KCNIP1: variants seen among roughly 807,000 people sequenced by gnomAD.
KCNIP1 encodes the protein potassium voltage-gated channel interacting protein 1.
KCNIP1 carries 18 observed loss-of-function variants against 33.0 expected under a neutral mutation model. That is an observed-to-expected ratio of 0.55 (90% CI 0.38 to 0.81). The LOEUF (loss-of-function observed/expected upper bound fraction) is 0.81. Among genes scored for constraint, KCNIP1 ranks in the 30% least tolerant of loss-of-function variants. The pLI, the probability that KCNIP1 is intolerant of heterozygous loss-of-function variation, is 0.00. For missense variants in KCNIP1, 238 were observed against 271.6 expected (o/e 0.88, Z 0.87); for synonymous variants, 93 against 98.3 (o/e 0.95, Z 0.32).
Position 170,487,809 on chromosome 5 carries a change from C to T in KCNIP1, c.88+133845C>T, listed in dbSNP as rs149518297. Among the ~76,000 whole-genome samples the T allele has an allele frequency of 4.6e-3, 696 of 152,150 alleles. 4 individuals carry two copies. The highest frequency in any genetic ancestry group is 0.016 in the African/African-American group (658 of 41,452). On this transcript the variant is annotated intron_variant, in intron 1 of 7. Coordinates refer to the KCNIP1 transcript ENST00000377360. ...CTGGGATTACAGGCATGAACCACTGCGCACGGCCCAGTCACAGTACATTTT... is the reference window on the plus strand; with the variant it reads ...CTGGGATTACAGGCATGAACCACTGTGCACGGCCCAGTCACAGTACATTTT...
At chr5:170,576,187 A>G (rs141511866) in intron 1 of KCNIP1, among the ~76,000 whole-genome samples, 82 of 152,304 alleles carry the variant, frequency 5.4e-4, no homozygotes, top group African/African-American at 1.7e-3. Context: ...GTTGAAAGCT[A>G]TAAGCAGGGG....
chr5:170,441,951 C>CAAAAAAAAAA (rs34610945), intron 1 of KCNIP1, among the ~76,000 whole-genome samples: 1 of 72,248 alleles, frequency 1.4e-5, no homozygotes, highest in African/African-American at 6.0e-5. Context: ...GACTCCATCT[C>CAAAAAAAAAA]AAAAAAAAAA....
rs199789184 is a variant in KCNIP1 at position 170,723,008 on chromosome 5, G to A, written c.435+188G>A. Among the ~76,000 whole-genome samples, 23 of 152,122 alleles carry A rather than the reference G, an allele frequency of 1.5e-4. 1 individual carries two copies. Among genetic ancestry groups the A allele is most frequent in the South Asian group, 1.0e-3 (5 of 4,822 alleles). ...GCCCTACCCTGCCCTGTTCCCAAGCGCCCAGAAAGGATTAAACAGATTCAT... is the reference window on the plus strand; with the variant it reads ...GCCCTACCCTGCCCTGTTCCCAAGCACCCAGAAAGGATTAAACAGATTCAT... On this transcript the variant is annotated intron_variant, in intron 5 of 7. Coordinates refer to ENST00000328939, the MANE Select transcript of KCNIP1 (RefSeq NM_014592.4).
intron 1 of KCNIP1, among the ~76,000 whole-genome samples, chr5:170,643,625 A>G (rs1007273389): frequency 6.6e-6 from 1 of 152,138 alleles, no homozygotes; most frequent in Non-Finnish European, 1.5e-5. Flanking sequence ...AAGAAGACAA[A>G]CTATCCACGG....
intron 1 of KCNIP1, among the ~76,000 whole-genome samples, chr5:170,467,993 T>G (rs749112499): frequency 2.2e-4 from 33 of 151,970 alleles, no homozygotes; most frequent in Non-Finnish European, 1.5e-4. Flanking sequence ...ATTAAGATAT[T>G]TGTGCTTTGA....
rs1755422011 is a variant in KCNIP1, at chr5:170,419,451, A to G, written c.88+65487A>G. On this transcript the variant is annotated intron_variant, in intron 1 of 7. Transcript: ENST00000377360. ...ACCCATGGAAGAAGGAAGAAGATAGAACTCTGGATTTGAATATAATTCTAA... is the reference window on the plus strand; with the variant it reads ...ACCCATGGAAGAAGGAAGAAGATAGGACTCTGGATTTGAATATAATTCTAA... 2.0e-5 allele frequency among the ~76,000 whole-genome samples: 3 copies of G among 152,222 alleles called. No homozygotes were observed. In the South Asian group the frequency reaches 6.2e-4, roughly 32 times the overall value.
At chr5:170,722,673 G>T (rs778880456) in intron 4 of KCNIP1, 40 bp from the exon 5 acceptor site, 1 of 1,366,004 alleles carries the variant, frequency 7.3e-7, no homozygotes, top group Admixed American at 1.7e-5. Flanking sequence ...CTGTCTGATG[G>T]CTTGATGGTT....
chr5:170,608,984 C>T (rs773486834), intron 1 of KCNIP1, among the ~76,000 whole-genome samples: 2 of 152,128 alleles, frequency 1.3e-5, no homozygotes, highest in South Asian at 2.1e-4. Flanking sequence ...TGTGCCTCCA[C>T]GTTCCCTTTC....
intron 1 of KCNIP1, among the ~76,000 whole-genome samples, chr5:170,532,432 C>T (rs1479996560): frequency 6.6e-6 from 1 of 152,202 alleles, no homozygotes; most frequent in Non-Finnish European, 1.5e-5. Flanking sequence ...CGACTCCCCT[C>T]ATCTCAGATC....
At chr5:170,646,630 A>C (rs1227434284) in intron 1 of KCNIP1, among the ~76,000 whole-genome samples, 1 of 152,150 alleles carries the variant, frequency 6.6e-6, no homozygotes, top group Non-Finnish European at 1.5e-5. Context: ...CCTCCAGCTA[A>C]CATCATACTT....
chr5:170,727,904 A>G (rs1293933602), intron 5 of KCNIP1, among the ~76,000 whole-genome samples: 1 of 152,168 alleles, frequency 6.6e-6, no homozygotes, highest in Non-Finnish European at 1.5e-5. Flanking sequence ...TCACTGCACC[A>G]CACTCCAGCC....
chr5:170,656,116 G>A (rs994766087), intron 1 of KCNIP1, among the ~76,000 whole-genome samples: 5 of 152,158 alleles, frequency 3.3e-5, no homozygotes, highest in African/African-American at 1.2e-4. Flanking sequence ...CATGGCCAGG[G>A]AGGATGTGAC....
intron 1 of KCNIP1, among the ~76,000 whole-genome samples, chr5:170,553,814 C>T (rs1366452407): frequency 6.6e-6 from 1 of 152,232 alleles, no homozygotes; most frequent in Non-Finnish European, 1.5e-5. Flanking sequence ...GTGCCTGGTA[C>T]AGAGGAAGTC....
At chr5:170,638,251 C>T (rs563752351) in intron 1 of KCNIP1, among the ~76,000 whole-genome samples, 9 of 152,150 alleles carry the variant, frequency 5.9e-5, no homozygotes, top group East Asian at 1.9e-4. Context: ...TCCCTGCCAC[C>T]GCTTGCCAGG....
At chr5:170,408,961 A>C (rs1024183087) in intron 1 of KCNIP1, among the ~76,000 whole-genome samples, 2 of 152,020 alleles carry the variant, frequency 1.3e-5, no homozygotes, top group African/African-American at 4.8e-5. Flanking sequence ...AATAGCACAC[A>C]CTCCCCAGGC....
intron 1 of KCNIP1, among the ~76,000 whole-genome samples, chr5:170,533,822 G>A (rs10072376): frequency 0.16 from 23,860 of 152,104 alleles, 1,953 homozygotes; most frequent in Middle Eastern, 0.24. Flanking sequence ...GTCACATTCC[G>A]TCTCCAAATG....
intron 1 of KCNIP1, among the ~76,000 whole-genome samples, chr5:170,599,633 AGGGGTG>A (rs1233070103): frequency 2.1e-5 from 1 of 47,586 alleles, no homozygotes; most frequent in Non-Finnish European, 3.9e-5. Context: ...TGATGGACCT[AGGGGTG>A]GGGAAGAGCG....
At chr5:170,567,959 T>A (rs11134636) in intron 1 of KCNIP1, among the ~76,000 whole-genome samples, 84,940 of 152,058 alleles carry the variant, frequency 0.56, 23,935 homozygotes, top group East Asian at 0.64. Flanking sequence ...TCAGGATGGC[T>A]CGGGTGTGTG....
chr5:170,542,687 G>A (rs921799496), intron 1 of KCNIP1, among the ~76,000 whole-genome samples: 2 of 151,952 alleles, frequency 1.3e-5, no homozygotes, highest in African/African-American at 4.8e-5. Context: ...CTATGATAAA[G>A]GCTAATTTAT....
Sources: gnomAD v4.1 joint callset for allele counts (sites outside exome capture counted in the v4.1 genomes callset) on GRCh38, gnomAD v4.1.1 for gene constraint, MANE v1.5 for transcripts, NCBI Gene and HGNC (gene_info 2026-07-23, HGNC 2026-07-21) for gene names.